The following OSBPL9 variants were observed in gnomAD, a reference collection of about 807,000 sequenced individuals.
The protein encoded by OSBPL9 is oxysterol binding protein like 9.
OSBPL9 carries 40 observed loss-of-function variants against 106.6 expected under a neutral mutation model. The observed-to-expected ratio is 0.38, with a 90% confidence interval of 0.29 to 0.49. The LOEUF is 0.49. Ranked by LOEUF, OSBPL9 falls within the 20% of genes least tolerant of loss-of-function variation. The probability of loss-of-function intolerance (pLI) is 0.97; values close to 1 mark genes in which losing one functional copy is unlikely to be tolerated. For synonymous variants in OSBPL9, 269 were observed against 295.4 expected (o/e 0.91, Z 0.92); for missense variants, 609 against 887.2 (o/e 0.69, Z 3.98).
chr1:51,548,565 T>G, the OSBPL9 span, among the ~76,000 whole-genome samples: 1 of 151,382 alleles, frequency 6.6e-6, no homozygotes, highest in Admixed American at 6.6e-5. Context: ...GATTTTTAAT[T>G]TTTTCGTGGG....
intron 3 of OSBPL9, among the ~76,000 whole-genome samples, chr1:51,696,181 A>G (rs1472197673): frequency 1.3e-5 from 2 of 152,332 alleles, no homozygotes; most frequent in Admixed American, 1.3e-4. Context: ...TGCTCTCACC[A>G]TGAGCAACAT....
chr1:51,616,419 C>T (rs1237769446), upstream of OSBPL9, among the ~76,000 whole-genome samples: 1 of 152,188 alleles, frequency 6.6e-6, no homozygotes, highest in African/African-American at 2.4e-5. Flanking sequence ...AGATGCCACG[C>T]TCACTCCTAA....
upstream of OSBPL9, among the ~76,000 whole-genome samples, chr1:51,575,112 G>C (rs2148596738): frequency 6.6e-6 from 1 of 152,360 alleles, no homozygotes; most frequent in South Asian, 2.1e-4. Flanking sequence ...TGAGCTGGAA[G>C]AGGCCTTCAG....
chr1:51,599,922 C>G (rs975029954), intron 2 of OSBPL9, among the ~76,000 whole-genome samples: 5 of 152,200 alleles, frequency 3.3e-5, no homozygotes, highest in Admixed American at 3.3e-4. Context: ...GTGCCTCTTG[C>G]TGTGTCCTCA....
At chr1:51,597,841 A>G (rs1307674366) in intron 1 of OSBPL9, among the ~76,000 whole-genome samples, 2 of 152,252 alleles carry the variant, frequency 1.3e-5, no homozygotes. Context: ...ACTAATATTT[A>G]CTAATCACCT....
intron 3 of OSBPL9, among the ~76,000 whole-genome samples, chr1:51,704,686 G>T (rs1436199101): frequency 6.6e-6 from 1 of 152,146 alleles, no homozygotes; most frequent in African/African-American, 2.4e-5. Flanking sequence ...ATCCTCATGT[G>T]TTGGAAGGAG....
intron 8 of OSBPL9, among the ~76,000 whole-genome samples, chr1:51,751,943 C>G (rs1239938031): frequency 6.6e-6 from 1 of 152,054 alleles, no homozygotes; most frequent in Non-Finnish European, 1.5e-5. Flanking sequence ...GAAATTTGGC[C>G]TTTTATTTAT....
At chr1:51,702,183 A>G (rs1657426372) in intron 3 of OSBPL9, among the ~76,000 whole-genome samples, 2 of 152,244 alleles carry the variant, frequency 1.3e-5, no homozygotes, top group South Asian at 4.1e-4. Context: ...TTGCTGGGTC[A>G]AATGGTATTT....
At chr1:51,661,786 C>T (rs1647176313) in intron 2 of OSBPL9, among the ~76,000 whole-genome samples, 1 of 152,070 alleles carries the variant, frequency 6.6e-6, no homozygotes, top group African/African-American at 2.4e-5. Flanking sequence ...CAAAAAAATA[C>T]TCTAAACCCA....
intron 4 of OSBPL9, among the ~76,000 whole-genome samples, chr1:51,719,214 C>T (rs1661612299): frequency 6.6e-6 from 1 of 152,192 alleles, no homozygotes; most frequent in South Asian, 2.1e-4. Context: ...TAACTAAGAT[C>T]TTCTTCATCC....
At chr1:51,571,916 T>C in the OSBPL9 span, among the ~76,000 whole-genome samples, 1 of 152,116 alleles carries the variant, frequency 6.6e-6, no homozygotes, top group Admixed American at 6.6e-5. Flanking sequence ...AGGAATCCAA[T>C]GAACCTGAGT....
intron 3 of OSBPL9, among the ~76,000 whole-genome samples, chr1:51,677,190 A>C (rs945138104): frequency 6.6e-6 from 1 of 152,242 alleles, no homozygotes; most frequent in Non-Finnish European, 1.5e-5. Context: ...CACTTGCTGA[A>C]TCAGAAACTT....
the OSBPL9 span, among the ~76,000 whole-genome samples, chr1:51,530,555 C>A: frequency 2.0e-5 from 3 of 151,438 alleles, no homozygotes; most frequent in Admixed American, 2.0e-4. Context: ...GAGTTCAAGA[C>A]CAGCCTGGAC....
intron 2 of OSBPL9, among the ~76,000 whole-genome samples, chr1:51,654,647 G>GA (rs1646714922): frequency 6.6e-6 from 1 of 152,102 alleles, no homozygotes; most frequent in South Asian, 2.1e-4. Flanking sequence ...CCAAGAGGTG[G>GA]AAAGGATCCA....
chr1:51,657,692 A>G (rs1177283400), intron 2 of OSBPL9, among the ~76,000 whole-genome samples: 11 of 152,228 alleles, frequency 7.2e-5, no homozygotes, highest in Non-Finnish European at 2.9e-5. Flanking sequence ...TCCTTGATGA[A>G]GAAATAAAAT....
At chr1:51,531,208 G>A in the OSBPL9 span, among the ~76,000 whole-genome samples, 1 of 151,982 alleles carries the variant, frequency 6.6e-6, no homozygotes, top group African/African-American at 2.4e-5. Context: ...AACCTGCGAG[G>A]CAGAGGTTGC....
chr1:51,663,560 T>C (rs1349964996), intron 2 of OSBPL9, among the ~76,000 whole-genome samples: 2 of 152,196 alleles, frequency 1.3e-5, no homozygotes, highest in African/African-American at 2.4e-5. Flanking sequence ...GAAGATAATG[T>C]AGGAGAATAT....
At chr1:51,524,895 G>T in the OSBPL9 span, among the ~76,000 whole-genome samples, 9 of 152,300 alleles carry the variant, frequency 5.9e-5, no homozygotes, top group Admixed American at 2.0e-4. Flanking sequence ...TCTTTCATCT[G>T]CAGGTTTCAA....
At chr1:51,545,334 C>T in the OSBPL9 span, among the ~76,000 whole-genome samples, 1 of 152,070 alleles carries the variant, frequency 6.6e-6, no homozygotes, top group African/African-American at 2.4e-5. Context: ...CACACAGATG[C>T]ACCTAATCAT....
Sources: allele counts gnomAD v4.1 joint callset (sites outside exome capture counted in the v4.1 genomes callset), GRCh38; gene constraint gnomAD v4.1.1; transcripts MANE v1.5; gene names NCBI Gene and HGNC (gene_info 2026-07-23, HGNC 2026-07-21).